LSG1: variants seen among roughly 807,000 people sequenced by gnomAD.
The protein encoded by LSG1 is large 60S subunit nuclear export GTPase 1, also known as large subunit GTPase 1 homolog.
Under a neutral mutation model 82.6 loss-of-function variants are expected in LSG1, and 55 were observed. That is an observed-to-expected ratio of 0.67 (90% CI 0.54 to 0.83). LSG1 has a LOEUF of 0.83. Ranked by LOEUF, LSG1 falls within the 40% of genes least tolerant of loss-of-function variation. The probability of loss-of-function intolerance (pLI) is 0.00; values close to 1 mark genes in which losing one functional copy is unlikely to be tolerated. For missense variants in LSG1, 809 were observed against 807.9 expected, an observed-to-expected ratio of 1.00 and a Z score of -0.02; for synonymous variants, 272 against 282.5, an observed-to-expected ratio of 0.96 and a Z score of 0.37.
chr3:194,671,173 A>G (rs1048908390), intron 1 of LSG1, among the ~76,000 whole-genome samples: 73 of 152,372 alleles, frequency 4.8e-4, no homozygotes, highest in African/African-American at 1.7e-3. Context: ...GCATAGAATC[A>G]GCAAAAATAA....
intron 7 of LSG1, among the ~76,000 whole-genome samples, chr3:194,657,445 G>A (rs1718815060): frequency 7.1e-6 from 1 of 141,288 alleles, no homozygotes; most frequent in African/African-American, 2.5e-5. Context: ...ATGGGATGAG[G>A]TTTGCTTAGT....
In LSG1 at chr3:194,653,049, G is replaced by A. The variant is rs1169261663; in HGVS notation, c.853C>T (p.His285Tyr). 1.2e-6 allele frequency: 2 copies of A among 1,614,072 alleles called. No individual in the cohort carries two copies. Among genetic ancestry groups the A allele is most frequent in the African/African-American group, 2.7e-5 (2 of 74,940 alleles). ...GAAGGAGAATCCCTAGCTGGGAGAT[G>A]TTCGGATTCACTGTGGGAAATTTCA... ...QAEISHSESE[H>Y]LPARDSPSLS... The change falls in exon 8 of 14, where the codon CAT (histidine) becomes TAT (tyrosine). Residue 285 changes from histidine (H) to tyrosine (Y), a missense_variant. Coordinates refer to ENST00000265245, the MANE Select transcript of LSG1 (RefSeq NM_018385.3).
chr3:194,665,498 C>T, intron 5 of LSG1, 59 bp downstream of exon 5: 1 of 1,294,658 alleles, frequency 7.7e-7, no homozygotes, highest in Non-Finnish European at 1.1e-6. Flanking sequence ...TATCAACAGC[C>T]AAATCGAATA....
intron 12 of LSG1, chr3:194,645,535 G>T (rs9875535): frequency 2.9e-4 from 10 of 34,956 alleles, no homozygotes; most frequent in Non-Finnish European, 5.0e-4. Context: ...CACACAGACA[G>T]ACACACACAC....
chr3:194,667,782 G>T (rs1174505094), intron 2 of LSG1, among the ~76,000 whole-genome samples: 1 of 150,942 alleles, frequency 6.6e-6, no homozygotes, highest in African/African-American at 2.4e-5. Context: ...AATTAGCCAG[G>T]GGTGGTGGTG....
intron 12 of LSG1, chr3:194,645,212 A>AT (rs1252017389): frequency 1.3e-5 from 2 of 152,500 alleles, no homozygotes; most frequent in Non-Finnish European, 2.9e-5. Flanking sequence ...GGCTGTGACT[A>AT]TTTTTACCTC....
At chr3:194,646,294 CA>C (rs770664880) in intron 11 of LSG1, 51 bp from the exon 12 acceptor site, 70 of 1,405,180 alleles carry the variant, frequency 5.0e-5, no homozygotes, top group Non-Finnish European at 7.1e-5. Flanking sequence ...AATATCACAA[CA>C]AAGACAACTG....
At position 194,641,816 on chromosome 3, in the gene LSG1, A is replaced by G. The variant is rs554033837; in HGVS notation, c.*252T>C. 5.4e-4 allele frequency: 189 copies of G among 351,992 alleles called. 1 individual carries two copies. The highest frequency in any genetic ancestry group is 2.7e-3 in the African/African-American group (124 of 45,334). 21.8% of individuals were successfully genotyped at this position (351,992 alleles called of 1,614,324 possible). On this transcript the variant is annotated 3_prime_UTR_variant, in exon 14 of 14. Coordinates refer to ENST00000265245, the MANE Select transcript of LSG1 (RefSeq NM_018385.3). Reference sequence around the variant, plus strand: ...TTTTTAGTAGAGACGGGGTTTCTCCATGTTGGTGCGTGAGCCACTGTGCCC... The same window carrying G: ...TTTTTAGTAGAGACGGGGTTTCTCCGTGTTGGTGCGTGAGCCACTGTGCCC...
At chr3:194,643,529 A>T (rs1718442615) in intron 13 of LSG1, among the ~76,000 whole-genome samples, 1 of 151,922 alleles carries the variant, frequency 6.6e-6, no homozygotes, top group African/African-American at 2.4e-5. Context: ...TGGCTAAAAT[A>T]AAAAAAAAAT....
In LSG1 at chr3:194,642,208, T is replaced by G; in HGVS notation, c.1837A>C (p.Met613Leu). Residue 613 changes from methionine (M) to leucine (L), a missense_variant, in exon 14 of 14, where the codon ATG becomes CTG. Transcript: ENST00000265245. ...RALTKGVQAV[M>L]GYKPGSGVVT... ...ACACCACTCCCGGGCTTGTAACCCA[T>G]CACAGCCTGGACTCCTTTGGTCAAA... The G allele has an allele frequency of 1.2e-6, 2 of 1,614,078 alleles. No individual in the cohort carries two copies. The highest frequency in any genetic ancestry group is 1.7e-6 in the Non-Finnish European group (2 of 1,179,996).
chr3:194,661,275 G>T (rs925171442), intron 5 of LSG1, among the ~76,000 whole-genome samples: 3 of 152,116 alleles, frequency 2.0e-5, no homozygotes, highest in African/African-American at 7.2e-5. Flanking sequence ...AGGTAATAAT[G>T]CACTTTCAAA....
At chr3:194,660,028 G>T in intron 6 of LSG1, 45 bp downstream of exon 6, 2 of 1,499,980 alleles carry the variant, frequency 1.3e-6, no homozygotes, top group Non-Finnish European at 1.9e-6. Flanking sequence ...TGCTGGCACT[G>T]CTACTCAAAG....
chr3:194,666,402 C>A (rs367868181), intron 3 of LSG1, 50 bp downstream of exon 3: 26 of 1,606,634 alleles, frequency 1.6e-5, no homozygotes, highest in Non-Finnish European at 2.2e-5. Flanking sequence ...AAAATGAATA[C>A]TCAGCAGCCT....
chr3:194,641,851 T>C lies in LSG1; in HGVS notation c.*217A>G, dbSNP rs796607241. ...GTGAGCCACTGTGCCCGGCCAGGAG[T>C]AGGATTCTCGGGCTCCCAGATGACT... On this transcript the variant is annotated 3_prime_UTR_variant, in exon 14 of 14. Coordinates refer to ENST00000265245, the MANE Select transcript of LSG1 (RefSeq NM_018385.3). 2.0e-5 allele frequency: 9 copies of C among 439,430 alleles called. No individual in the cohort carries two copies. Among genetic ancestry groups the C allele is most frequent in the African/African-American group, 2.0e-4 (9 of 45,592 alleles). 27.2% of individuals were successfully genotyped at this position (439,430 alleles called of 1,614,324 possible).
chr3:194,643,507 C>T (rs1718442167), intron 13 of LSG1, among the ~76,000 whole-genome samples: 1 of 152,092 alleles, frequency 6.6e-6, no homozygotes, highest in South Asian at 2.1e-4. Context: ...CAATACGTCA[C>T]ATGTATTAGG....
chr3:194,652,608 A>G (rs368981498), intron 8 of LSG1, 121 bp downstream of exon 8: 1 of 1,080,630 alleles, frequency 9.3e-7, no homozygotes. Flanking sequence ...AGTGGGCAAC[A>G]AGAGGGCAAT....
intron 11 of LSG1, among the ~76,000 whole-genome samples, chr3:194,648,348 C>T (rs1718596758): frequency 6.6e-6 from 1 of 152,096 alleles, no homozygotes; most frequent in Non-Finnish European, 1.5e-5. Flanking sequence ...ACTCTCCTGC[C>T]TCGCTGTGGC....
chr3:194,644,379 A>T lies in LSG1; in HGVS notation c.1797+194T>A, dbSNP rs1295481764. On this transcript the variant is annotated intron_variant, in intron 13 of 13. Transcript: ENST00000265245. ...GCGAGACTCCGTCTCAAAAAAAAAA[A>T]ATAAAAATAAATAAATAAATAAATA... 9.9e-3 allele frequency among the ~76,000 whole-genome samples: 781 copies of T among 79,148 alleles called. 32 individuals carry two copies. The highest frequency in any genetic ancestry group is 0.029 in the African/African-American group (656 of 22,812). The allele number at this position is 79,148 out of a possible 152,430, so 51.9% of individuals were successfully genotyped here.
rs145105757 is a variant in LSG1 at position 194,672,083 on chromosome 3, T to C, written c.80A>G (p.His27Arg). 4.4e-5 allele frequency: 71 copies of C among 1,612,034 alleles called. 1 individual carries two copies. In the African/African-American group the frequency reaches 8.9e-4, roughly 20 times the overall value. Residue 27 changes from histidine (H) to arginine (R), a missense_variant, in exon 1 of 14, where the codon CAT becomes CGT. Transcript: ENST00000265245. ...TCTTACCCAGGAGTCAGTGTGACGATGGCTTCGGCTCCGCTGAGTCTGATG... is the reference window on the plus strand; with the variant it reads ...TCTTACCCAGGAGTCAGTGTGACGACGGCTTCGGCTCCGCTGAGTCTGATG... ...MRHQTQRSRSHRHTDSWLHTS... is the reference protein window; with the variant it reads ...MRHQTQRSRSRRHTDSWLHTS...
Sources: gnomAD v4.1 joint callset for allele counts (sites outside exome capture counted in the v4.1 genomes callset) on GRCh38, gnomAD v4.1.1 for gene constraint, MANE v1.5 for transcripts, NCBI Gene and HGNC (gene_info 2026-07-23, HGNC 2026-07-21) for gene names.